PHLPP2: variants seen among roughly 807,000 people sequenced by gnomAD.
PHLPP2 encodes the protein PH domain leucine-rich repeat-containing protein phosphatase 2.
Under a neutral mutation model 124.9 loss-of-function variants are expected in PHLPP2, and 66 were observed. The ratio of observed to expected loss-of-function variants is 0.53; its 90% CI spans 0.43 to 0.65. PHLPP2 has a LOEUF of 0.65. PHLPP2 is among the 30% of genes least tolerant of loss of function. The pLI, the probability that PHLPP2 is intolerant of heterozygous loss-of-function variation, is 0.00. For missense variants in PHLPP2, 1,685 were observed against 1,600.4 expected, an observed-to-expected ratio of 1.05 and a Z score of -0.90; for synonymous variants, 681 against 624.7, an observed-to-expected ratio of 1.09 and a Z score of -1.34.
At position 71,656,627 on chromosome 16, in the gene PHLPP2, T is replaced by C; in HGVS notation, c.2334A>G (p.Thr778=). The C allele has an allele frequency of 6.2e-7, 1 of 1,613,878 alleles. No individual in the cohort carries two copies. The change falls in exon 16 of 19, where the codon ACA becomes ACG. Residue 778 remains threonine (T), a synonymous_variant. Transcript: ENST00000568954. ...DQKPLPTTDS[T]VTSTFWSHGL... ...CATGGCTCCAGAAGGTTGACGTAACTGTAGAATCTGTGGTTGGCAAAGGTT... is the reference window on the plus strand; with the variant it reads ...CATGGCTCCAGAAGGTTGACGTAACCGTAGAATCTGTGGTTGGCAAAGGTT...
At chr16:71,664,130 T>TAA in intron 12 of PHLPP2, 31 bp from the exon 13 acceptor site, 1 of 1,429,840 alleles carries the variant, frequency 7.0e-7, no homozygotes, top group East Asian at 2.3e-5. Flanking sequence ...CATCACCTCC[T>TAA]TTAAGTTTAT....
rs776683490 is a variant in PHLPP2, at chr16:71,664,113, C to T, written c.1785-14G>A. 2 of 1,561,544 alleles carry T rather than the reference C, an allele frequency of 1.3e-6. No homozygotes were observed. The highest frequency in any genetic ancestry group is 1.4e-5 in the African/African-American group (1 of 73,890). On this transcript the variant is annotated splice_polypyrimidine_tract_variant and intron_variant, in intron 12 of 18. Transcript: ENST00000568954. ...AAGTATCTGAGACTGACAGAACACA[C>T]ACAGATCATCACCTCCTTTAAGTTT...
Position 71,664,017 on chromosome 16 carries a change from G to A in PHLPP2, c.1867C>T (p.Gln623Ter), listed in dbSNP as rs1567614925. 2 of 1,613,760 alleles carry A rather than the reference G, an allele frequency of 1.2e-6. No homozygotes were observed. Among genetic ancestry groups the A allele is most frequent in the South Asian group, 1.1e-5 (1 of 91,072 alleles). The stretch of plus-strand genomic sequence containing the variant: ...AGATTGTTGGTCAGATAAAGCAGCT[G>A]CAGCATACTCAAACTCTCCTCTCCA... ...CTGEESLSML[Q>*]LLYLTNNLLT... is the part of the protein sequence containing the mutation. Residue 623 changes from glutamine (Q) to a stop codon, truncating the protein, a stop_gained, in exon 13 of 19, where the codon CAG (glutamine) becomes TAG (stop). Transcript: ENST00000568954. LOFTEE classifies it high-confidence loss of function.
intron 6 of PHLPP2, among the ~76,000 whole-genome samples, chr16:71,681,461 G>A (rs535307984): frequency 5.1e-4 from 78 of 152,160 alleles, no homozygotes; most frequent in African/African-American, 1.7e-3. Context: ...AAAATTTCCC[G>A]TATACTAAAT....
chr16:71,681,537 G>C (rs1254409484), intron 6 of PHLPP2, among the ~76,000 whole-genome samples: 1 of 152,144 alleles, frequency 6.6e-6, no homozygotes, highest in Non-Finnish European at 1.5e-5. Flanking sequence ...AGATTACCCA[G>C]ATCAACAGAA....
chr16:71,679,319 C>A (rs2044975183), intron 7 of PHLPP2, 70 bp downstream of exon 7: 1 of 1,361,780 alleles, frequency 7.3e-7, no homozygotes, highest in East Asian at 2.3e-5. Flanking sequence ...AAGATACTAC[C>A]TTCATTCCAA....
chr16:71,649,999 A>C lies in PHLPP2; in HGVS notation c.2863T>G (p.Cys955Gly), dbSNP rs2044685099. 1 of 1,612,956 alleles carries C rather than the reference A, an allele frequency of 6.2e-7. No individual in the cohort carries two copies. Among genetic ancestry groups the C allele is most frequent in the East Asian group, 2.2e-5 (1 of 44,888 alleles). ...GVTCCTRMLGCTYLYPWILPK... is the reference protein window; with the variant it reads ...GVTCCTRMLGGTYLYPWILPK... The stretch of plus-strand genomic sequence containing the variant: ...AGGATCCAAGGGTAGAGGTATGTAC[A>C]GCCCAGCATCCGGGTACAGCAGGTT... The change falls in exon 19 of 19, where the codon TGT becomes GGT. Residue 955 changes from cysteine (C) to glycine (G), a missense_variant. Coordinates refer to ENST00000568954, the MANE Select transcript of PHLPP2 (RefSeq NM_015020.3).
At chr16:71,651,114 C>T (rs1383110963) in intron 18 of PHLPP2, among the ~76,000 whole-genome samples, 3 of 152,060 alleles carry the variant, frequency 2.0e-5, no homozygotes, top group African/African-American at 7.2e-5. Context: ...CCGAGGTGGA[C>T]GGATCACCTG....
intron 12 of PHLPP2, among the ~76,000 whole-genome samples, chr16:71,666,380 G>T (rs1341259409): frequency 6.6e-6 from 1 of 152,148 alleles, no homozygotes; most frequent in Non-Finnish European, 1.5e-5. Context: ...AGGTGTGGTG[G>T]TGCATCCCTG....
intron 11 of PHLPP2, among the ~76,000 whole-genome samples, chr16:71,668,058 C>T (rs2044854500): frequency 6.6e-6 from 1 of 152,010 alleles, no homozygotes; most frequent in Non-Finnish European, 1.5e-5. Flanking sequence ...TGAAACATTC[C>T]CTAATTATTC....
intron 18 of PHLPP2, among the ~76,000 whole-genome samples, chr16:71,651,265 G>C (rs2044694235): frequency 6.7e-6 from 1 of 150,280 alleles, no homozygotes; most frequent in Non-Finnish European, 1.5e-5. Context: ...TTGAACCTGG[G>C]AGGTGGAGAT....
At chr16:71,701,369 G>C (rs1049244907) in intron 3 of PHLPP2, among the ~76,000 whole-genome samples, 1 of 151,464 alleles carries the variant, frequency 6.6e-6, no homozygotes, top group Non-Finnish European at 1.5e-5. Flanking sequence ...TTTGGTACCA[G>C]GTACATTATT....
rs1186429831 is a variant in PHLPP2 at position 71,679,472 on chromosome 16, T to A, written c.954A>T (p.Leu318Phe). The change falls in exon 7 of 19, where the codon TTA (leucine) becomes TTT (phenylalanine). Residue 318 changes from leucine (L) to phenylalanine (F), a missense_variant. Coordinates refer to ENST00000568954, the MANE Select transcript of PHLPP2 (RefSeq NM_015020.3). ...HNKLGLFPIL[L>F]CEISTLTELN... The stretch of plus-strand genomic sequence containing the variant: ...GCTCAGTCAGGGTAGAGATCTCGCA[T>A]AACAATATAGGAAACAACCCAAGTT... 2.5e-6 allele frequency: 4 copies of A among 1,613,498 alleles called. No individual in the cohort carries two copies. Among genetic ancestry groups the A allele is most frequent in the Non-Finnish European group, 3.4e-6 (4 of 1,179,600 alleles).
chr16:71,656,380 C>G (rs2044741991), intron 16 of PHLPP2, among the ~76,000 whole-genome samples, 191 bp downstream of exon 16: 1 of 152,202 alleles, frequency 6.6e-6, no homozygotes, highest in African/African-American at 2.4e-5. Flanking sequence ...ATTCTGTTGA[C>G]TACACATTAG....
rs1464891280 is a variant in PHLPP2 at position 71,667,341 on chromosome 16, G to A, written c.1629-8C>T. The A allele has an allele frequency of 1.9e-6, 3 of 1,607,602 alleles. No individual in the cohort carries two copies. In the East Asian group the frequency reaches 6.7e-5, roughly 36 times the overall value. Reference sequence around the variant, plus strand: ...CTCAAGCTACTCAGAATTCTAAGGGGGGAGCATACAAACAAACACATTAAA... The same window carrying A: ...CTCAAGCTACTCAGAATTCTAAGGGAGGAGCATACAAACAAACACATTAAA... On this transcript the variant is annotated splice_polypyrimidine_tract_variant and splice_region_variant and intron_variant, in intron 11 of 18. Coordinates refer to ENST00000568954, the MANE Select transcript of PHLPP2 (RefSeq NM_015020.3).
chr16:71,676,371 C>T, intron 9 of PHLPP2, 76 bp downstream of exon 9: 1 of 1,160,642 alleles, frequency 8.6e-7, no homozygotes, highest in Non-Finnish European at 1.3e-6. Context: ...TGAGGAACAC[C>T]ACAGGTGCCA....
intron 4 of PHLPP2, among the ~76,000 whole-genome samples, chr16:71,689,873 G>C (rs537732369): frequency 3.3e-5 from 5 of 152,256 alleles, no homozygotes; most frequent in African/African-American, 1.2e-4. Context: ...GATCAGAATG[G>C]ATGCCTGATC....
At chr16:71,697,303 G>GAGCACCACAGCCCTGAGA (rs1380085430) in intron 3 of PHLPP2, among the ~76,000 whole-genome samples, 2 of 152,040 alleles carry the variant, frequency 1.3e-5, no homozygotes, top group African/African-American at 4.8e-5. Flanking sequence ...GACAGGAAAA[G>GAGCACCACAGCCCTGAGA]AGCACCACAG....
chr16:71,717,782 A>T (rs1244894840), intron 1 of PHLPP2, among the ~76,000 whole-genome samples: 23 of 152,232 alleles, frequency 1.5e-4, no homozygotes, highest in Non-Finnish European at 2.9e-5. Flanking sequence ...AAAAAAGAGT[A>T]AGCAGACACT....
Sources: gnomAD v4.1 joint callset for allele counts (sites outside exome capture counted in the v4.1 genomes callset) on GRCh38, gnomAD v4.1.1 for gene constraint, MANE v1.5 for transcripts, NCBI Gene and HGNC (gene_info 2026-07-23, HGNC 2026-07-21) for gene names.